The following DPP10 variants were observed in gnomAD, a reference collection of about 807,000 sequenced individuals.
DPP10 encodes the protein inactive dipeptidyl peptidase 10.
DPP10 carries 33 observed loss-of-function variants against 120.9 expected under a neutral mutation model. The observed-to-expected ratio is 0.27, with a 90% confidence interval of 0.21 to 0.37. The LOEUF (loss-of-function observed/expected upper bound fraction) is 0.37, where lower values mean the gene tolerates loss of function less well. Among genes scored for constraint, DPP10 ranks in the 10% least tolerant of loss-of-function variants. DPP10 has a pLI of 1.00. For missense variants in DPP10, 816 were observed against 942.8 expected (o/e 0.87, Z 1.76); for synonymous variants, 337 against 326.1 (o/e 1.03, Z -0.36).
intron 1 of DPP10, among the ~76,000 whole-genome samples, chr2:114,686,481 G>A (rs1374798753): frequency 1.3e-5 from 2 of 151,858 alleles, no homozygotes; most frequent in Non-Finnish European, 2.9e-5. Flanking sequence ...AGCTAAAACT[G>A]AGGACATCAT....
rs114897446 is a variant in DPP10 at position 115,726,226 on chromosome 2, C to T, written c.577-1590C>T. On this transcript the variant is annotated intron_variant, in intron 7 of 25. Transcript: ENST00000410059. ...ATATTTAACTAATATAACATGTACT[C>T]TACCAGACAAAACGTTGGGATAATT... 5.5e-3 allele frequency among the ~76,000 whole-genome samples: 834 copies of T among 152,294 alleles called. 15 individuals carry two copies. The highest frequency in any genetic ancestry group is 0.019 in the African/African-American group (800 of 41,568).
intron 19 of DPP10, among the ~76,000 whole-genome samples, chr2:115,806,692 A>G (rs1156396558): frequency 6.6e-6 from 1 of 152,132 alleles, no homozygotes; most frequent in Non-Finnish European, 1.5e-5. Context: ...GCCTATATGT[A>G]TTGTCAGCCT....
chr2:115,790,120 C>G (rs949512221), intron 17 of DPP10, among the ~76,000 whole-genome samples: 6 of 148,846 alleles, frequency 4.0e-5, no homozygotes, highest in Non-Finnish European at 7.4e-5. Context: ...TCGCCCAGGC[C>G]GGACTGCGGA....
intron 3 of DPP10, among the ~76,000 whole-genome samples, chr2:115,376,468 C>T (rs921993703): frequency 1.3e-5 from 2 of 151,444 alleles, no homozygotes; most frequent in Admixed American, 6.6e-5. Flanking sequence ...TGCTGCTCTT[C>T]CAAGATGGCA....
At chr2:114,707,537 A>G (rs1025684294) in intron 1 of DPP10, among the ~76,000 whole-genome samples, 2 of 152,162 alleles carry the variant, frequency 1.3e-5, no homozygotes, top group African/African-American at 4.8e-5. Context: ...AAAATTTTTA[A>G]ACTTTGGAGG....
intron 4 of DPP10, among the ~76,000 whole-genome samples, chr2:115,519,226 A>G (rs1558789297): frequency 6.6e-6 from 1 of 152,176 alleles, no homozygotes; most frequent in Non-Finnish European, 1.5e-5. Flanking sequence ...TGTATGGCCT[A>G]TGATGTAAAT....
chr2:115,486,551 A>G (rs967432320), intron 3 of DPP10, among the ~76,000 whole-genome samples: 1 of 152,128 alleles, frequency 6.6e-6, no homozygotes, highest in African/African-American at 2.4e-5. Context: ...ATCTGCTTAC[A>G]TCTTTCCTTT....
intron 1 of DPP10, among the ~76,000 whole-genome samples, chr2:114,657,620 T>C (rs1034825140): frequency 8.5e-5 from 13 of 152,310 alleles, no homozygotes; most frequent in African/African-American, 2.9e-4. Flanking sequence ...ACTAAACATA[T>C]TTGTTTTTAC....
chr2:114,602,859 A>T, intron 1 of DPP10, among the ~76,000 whole-genome samples: 1 of 152,098 alleles, frequency 6.6e-6, no homozygotes, highest in East Asian at 1.9e-4. Context: ...TTTGAAGCAG[A>T]CTTGTGTGGC....
In DPP10 at chr2:114,887,610, A is replaced by C. The variant is rs1468350021; in HGVS notation, c.61-421629A>C. 3.3e-5 allele frequency among the ~76,000 whole-genome samples: 5 copies of C among 152,318 alleles called. No individual in the cohort carries two copies. In the East Asian group the frequency reaches 9.6e-4, roughly 29 times the overall value. ...CAAAAGTGGAAATCCTTCATCTGTAAAACAGTGTTAATGATGTATACTTCA... is the reference window on the plus strand; with the variant it reads ...CAAAAGTGGAAATCCTTCATCTGTACAACAGTGTTAATGATGTATACTTCA... On this transcript the variant is annotated intron_variant, in intron 1 of 25. Coordinates refer to ENST00000410059, the MANE Select transcript of DPP10 (RefSeq NM_020868.6).
chr2:115,477,893 T>C (rs942450138), intron 3 of DPP10, among the ~76,000 whole-genome samples: 4 of 152,292 alleles, frequency 2.6e-5, no homozygotes, highest in East Asian at 1.9e-4. Flanking sequence ...GGTGCTGGCA[T>C]CTACTTGGCT....
At chr2:115,721,523 A>G (rs931109793) in intron 7 of DPP10, among the ~76,000 whole-genome samples, 3 of 152,200 alleles carry the variant, frequency 2.0e-5, no homozygotes, top group East Asian at 1.9e-4. Context: ...CAATAAATAT[A>G]GTGACTAATC....
At chr2:114,767,833 CAGAG>C (rs1320185700) in intron 1 of DPP10, among the ~76,000 whole-genome samples, 1 of 152,092 alleles carries the variant, frequency 6.6e-6, no homozygotes, top group East Asian at 1.9e-4. Flanking sequence ...TCAAAGTTCT[CAGAG>C]AGGCCGAGCA....
chr2:115,549,953 A>T (rs1412399227), intron 5 of DPP10, among the ~76,000 whole-genome samples: 1 of 152,010 alleles, frequency 6.6e-6, no homozygotes, highest in Non-Finnish European at 1.5e-5. Flanking sequence ...CCCACATCAC[A>T]CACATTCCTG....
intron 1 of DPP10, among the ~76,000 whole-genome samples, chr2:114,563,144 C>T (rs931517692): frequency 7.9e-5 from 12 of 152,146 alleles, no homozygotes; most frequent in African/African-American, 1.9e-4. Context: ...GAGGCCAAGG[C>T]GGGCGGATCA....
chr2:114,550,074 A>T (rs1244015738), intron 1 of DPP10, among the ~76,000 whole-genome samples: 1 of 152,144 alleles, frequency 6.6e-6, no homozygotes, highest in Non-Finnish European at 1.5e-5. Context: ...AGCCCATTTT[A>T]TTCTTGCCCT....
At chr2:115,128,903 T>C (rs1375142520) in intron 1 of DPP10, among the ~76,000 whole-genome samples, 1 of 152,202 alleles carries the variant, frequency 6.6e-6, no homozygotes, top group Non-Finnish European at 1.5e-5. Context: ...TCATGGTATG[T>C]GTGCAAAAAC....
intron 5 of DPP10, among the ~76,000 whole-genome samples, chr2:115,565,020 G>A (rs1302352772): frequency 1.3e-5 from 2 of 151,944 alleles, no homozygotes; most frequent in Non-Finnish European, 2.9e-5. Context: ...GCACCAACTG[G>A]CCTTCTTATT....
At chr2:114,754,427 T>C (rs1246935290) in intron 1 of DPP10, among the ~76,000 whole-genome samples, 1 of 152,192 alleles carries the variant, frequency 6.6e-6, no homozygotes, top group African/African-American at 2.4e-5. Context: ...TTATGTATAA[T>C]GATTCGATTG....
Sources: allele counts gnomAD v4.1 joint callset (sites outside exome capture counted in the v4.1 genomes callset), GRCh38; gene constraint gnomAD v4.1.1; transcripts MANE v1.5; gene names NCBI Gene and HGNC (gene_info 2026-07-23, HGNC 2026-07-21).